Variants in TUSC3 observed in about 807,000 individuals in gnomAD.
The protein encoded by TUSC3 is dolichyl-diphosphooligosaccharide--protein glycosyltransferase subunit TUSC3.
TUSC3 carries 45 observed loss-of-function variants against 44.8 expected under a neutral mutation model. The ratio of observed to expected loss-of-function variants is 1.00; its 90% CI spans 0.79 to 1.29. TUSC3 has a LOEUF of 1.29. Ranked by LOEUF, TUSC3 falls within the 50% of genes most tolerant of loss-of-function variation. The pLI is 0.00. For missense variants in TUSC3, 519 were observed against 437.9 expected (o/e 1.19, Z -1.65); for synonymous variants, 212 against 152.9 (o/e 1.39, Z -2.85).
chr8:15,807,162 G>C, the TUSC3 span: 2 of 826,764 alleles, frequency 2.4e-6, no homozygotes, highest in Non-Finnish European at 4.2e-6. Flanking sequence ...AATCACAGCC[G>C]TATGTGCATC....
At chr8:15,594,455 A>G (rs2129151845) in intron 1 of TUSC3, among the ~76,000 whole-genome samples, 1 of 152,246 alleles carries the variant, frequency 6.6e-6, no homozygotes, top group South Asian at 2.1e-4. Flanking sequence ...ATTGGATCAT[A>G]GGCATTGTGC....
chr8:15,418,598 G>A (rs1799689153), intron 1 of TUSC3, among the ~76,000 whole-genome samples: 1 of 152,146 alleles, frequency 6.6e-6, no homozygotes, highest in Non-Finnish European at 1.5e-5. Context: ...CAAAAGACAA[G>A]GAGGAAGAAT....
chr8:15,644,059 TTA>T (rs1806506963), intron 2 of TUSC3, among the ~76,000 whole-genome samples: 1 of 152,236 alleles, frequency 6.6e-6, no homozygotes, highest in African/African-American at 2.4e-5. Context: ...TCTTTAAAAA[TTA>T]TATTCATCAT....
intron 2 of TUSC3, among the ~76,000 whole-genome samples, chr8:15,526,326 C>T (rs1361989573): frequency 6.6e-6 from 1 of 152,284 alleles, no homozygotes; most frequent in African/African-American, 2.4e-5. Context: ...GCCACCGCGC[C>T]TGGCTAGGGA....
At chr8:15,559,202 G>A (rs1470852440) in intron 1 of TUSC3, among the ~76,000 whole-genome samples, 3 of 142,098 alleles carry the variant, frequency 2.1e-5, no homozygotes, top group African/African-American at 7.8e-5. Context: ...GGTATGTTGT[G>A]TCTTTGTTCT....
chr8:15,813,939 A>G, the TUSC3 span, among the ~76,000 whole-genome samples: 1 of 152,212 alleles, frequency 6.6e-6, no homozygotes, highest in Non-Finnish European at 1.5e-5. Flanking sequence ...GACATTGAGC[A>G]AGTCACTTAA....
At chr8:15,571,605 A>T (rs577902304) in intron 1 of TUSC3, among the ~76,000 whole-genome samples, 1 of 152,142 alleles carries the variant, frequency 6.6e-6, no homozygotes, top group Admixed American at 6.5e-5. Flanking sequence ...CTGGCTGCTG[A>T]TGGTGGGAGC....
intron 2 of TUSC3, among the ~76,000 whole-genome samples, chr8:15,490,037 A>G (rs1370052589): frequency 6.6e-6 from 1 of 152,238 alleles, no homozygotes; most frequent in Non-Finnish European, 1.5e-5. Context: ...TCTAGCAGTG[A>G]GGCTTTAATC....
the TUSC3 span, among the ~76,000 whole-genome samples, chr8:15,812,263 A>G: frequency 1.3e-5 from 2 of 152,206 alleles, no homozygotes; most frequent in Non-Finnish European, 2.9e-5. Context: ...AAAGGTTCAA[A>G]AGAATCACAA....
At chr8:15,444,792 C>G (rs1349841218) in intron 1 of TUSC3, among the ~76,000 whole-genome samples, 4 of 152,042 alleles carry the variant, frequency 2.6e-5, no homozygotes, top group Non-Finnish European at 4.4e-5. Context: ...GTCTTCTTAC[C>G]CTCTTAAAAT....
At chr8:15,587,021 A>T (rs186051306) in intron 1 of TUSC3, among the ~76,000 whole-genome samples, 6 of 152,168 alleles carry the variant, frequency 3.9e-5, no homozygotes, top group African/African-American at 1.4e-4. Flanking sequence ...TGCTTTTCTT[A>T]ATATGTTAAT....
At chr8:15,841,613 A>G in the TUSC3 span, among the ~76,000 whole-genome samples, 1 of 152,124 alleles carries the variant, frequency 6.6e-6, no homozygotes, top group African/African-American at 2.4e-5. Flanking sequence ...TCCCGGGTTC[A>G]AGCGATTCTC....
intron 10 of TUSC3, among the ~76,000 whole-genome samples, chr8:15,759,589 A>G (rs1484602027): frequency 6.6e-6 from 1 of 152,122 alleles, no homozygotes; most frequent in African/African-American, 2.4e-5. Context: ...CTCGGTCTCC[A>G]GTAACCACCA....
At chr8:15,542,752 G>T (rs1447075389) in intron 1 of TUSC3, among the ~76,000 whole-genome samples, 1 of 152,128 alleles carries the variant, frequency 6.6e-6, no homozygotes, top group Admixed American at 6.5e-5. Context: ...GGAGAACATT[G>T]TTGAGGATTA....
chr8:15,609,822 A>G (rs1804687675), intron 1 of TUSC3, among the ~76,000 whole-genome samples: 1 of 151,934 alleles, frequency 6.6e-6, no homozygotes, highest in Admixed American at 6.6e-5. Flanking sequence ...AAAAAAGGCC[A>G]TTTTCAACTA....
chr8:15,659,204 T>A (rs908344069), intron 3 of TUSC3, among the ~76,000 whole-genome samples: 2 of 152,156 alleles, frequency 1.3e-5, no homozygotes, highest in African/African-American at 2.4e-5. Flanking sequence ...CACTTTTTTT[T>A]ACCCTAATTA....
At chr8:15,599,543 T>C (rs1585140115) in intron 1 of TUSC3, among the ~76,000 whole-genome samples, 1 of 151,824 alleles carries the variant, frequency 6.6e-6, no homozygotes. Flanking sequence ...TGCTCTCTTA[T>C]AGTAGTTTTA....
chr8:15,468,745 T>C (rs1344722791), intron 1 of TUSC3, among the ~76,000 whole-genome samples: 1 of 152,138 alleles, frequency 6.6e-6, no homozygotes, highest in Non-Finnish European at 1.5e-5. Context: ...TATGAAAACA[T>C]TCTTTATATT....
intron 1 of TUSC3, among the ~76,000 whole-genome samples, chr8:15,480,340 C>G (rs111937176): frequency 6.6e-6 from 1 of 152,276 alleles, no homozygotes; most frequent in African/African-American, 2.4e-5. Context: ...ACTCTGAAAT[C>G]CACATGGAAC....
Sources: gnomAD v4.1 joint callset for allele counts (sites outside exome capture counted in the v4.1 genomes callset) on GRCh38, gnomAD v4.1.1 for gene constraint, MANE v1.5 for transcripts, NCBI Gene and HGNC (gene_info 2026-07-23, HGNC 2026-07-21) for gene names.